JAKMIP2: variants seen among roughly 807,000 people sequenced by gnomAD.
JAKMIP2 encodes janus kinase and microtubule interacting protein 2, also known as janus kinase and microtubule-interacting protein 2.
JAKMIP2 carries 25 observed loss-of-function variants against 115.0 expected under a neutral mutation model. That is an observed-to-expected ratio of 0.22 (90% CI 0.16 to 0.30). The LOEUF (loss-of-function observed/expected upper bound fraction) is 0.30. JAKMIP2 is among the 10% of genes least tolerant of loss of function. JAKMIP2 has a pLI of 1.00. For missense variants in JAKMIP2, 642 were observed against 957.6 expected (o/e 0.67, Z 4.35); for synonymous variants, 334 against 343.6 (o/e 0.97, Z 0.31).
chr5:147,591,669 T>G lies in JAKMIP2; in HGVS notation c.*38A>C. On this transcript the variant is annotated 3_prime_UTR_variant, in exon 22 of 22. Transcript: ENST00000616793. ...AAGCACTTGTCTTCCTGGGATCTTATCCATGTTTTCGGTTACTCTGCAAAA... is the reference window on the plus strand; with the variant it reads ...AAGCACTTGTCTTCCTGGGATCTTAGCCATGTTTTCGGTTACTCTGCAAAA... 6.3e-7 allele frequency: 1 copy of G among 1,596,444 alleles called. No homozygotes were observed.
rs1754911229 is a variant in JAKMIP2, at chr5:147,587,281, T to A, written c.*4426A>T. 1 of 152,196 alleles carries A rather than the reference T, an allele frequency of 6.6e-6. No individual in the cohort carries two copies. The highest frequency in any genetic ancestry group is 2.4e-5 in the African/African-American group (1 of 41,452). The allele number at this position is 152,196 out of a possible 1,614,324, so 9.4% of individuals were successfully genotyped here. A position where few individuals can be genotyped will look rare whatever the true frequency, so the allele number is the denominator to read the frequency against. Reference sequence around the variant, plus strand: ...TATTGAATTTTTTCAATGTAATAGATAAATCTAAATTAGTAAAATGATAGA... The same window carrying A: ...TATTGAATTTTTTCAATGTAATAGAAAAATCTAAATTAGTAAAATGATAGA... On this transcript the variant is annotated 3_prime_UTR_variant, in exon 22 of 22. Coordinates refer to ENST00000616793, the MANE Select transcript of JAKMIP2 (RefSeq NM_001270941.2).
chr5:147,591,327 G>A lies in JAKMIP2; in HGVS notation c.*380C>T, dbSNP rs761848624. On this transcript the variant is annotated 3_prime_UTR_variant, in exon 22 of 22. Transcript: ENST00000616793. Reference sequence around the variant, plus strand: ...AAAATGACCCCCCTGCACAGCAGGGGTTGAATATTTCATTGTAACTTTGGT... The same window carrying A: ...AAAATGACCCCCCTGCACAGCAGGGATTGAATATTTCATTGTAACTTTGGT... 60 of 267,492 alleles carry A rather than the reference G, an allele frequency of 2.2e-4. No individual in the cohort carries two copies. The highest frequency in any genetic ancestry group is 5.8e-4 in the Admixed American group (10 of 17,320). 16.6% of individuals were successfully genotyped at this position (267,492 alleles called of 1,614,324 possible).
intron 1 of JAKMIP2, among the ~76,000 whole-genome samples, chr5:147,680,675 C>A (rs1399571482): frequency 6.6e-6 from 1 of 152,152 alleles, no homozygotes; most frequent in African/African-American, 2.4e-5. Flanking sequence ...ATACTTTATT[C>A]CTGGTCACCT....
intron 1 of JAKMIP2, among the ~76,000 whole-genome samples, chr5:147,689,975 G>A (rs1760752045): frequency 6.6e-6 from 1 of 152,148 alleles, no homozygotes; most frequent in African/African-American, 2.4e-5. Context: ...GTAATAATGA[G>A]AGACTTCATG....
At chr5:147,780,894 CT>C (rs1343199745) in intron 1 of JAKMIP2, among the ~76,000 whole-genome samples, 2 of 152,114 alleles carry the variant, frequency 1.3e-5, no homozygotes, top group African/African-American at 4.8e-5. Context: ...ATGGATAAAA[CT>C]ATAATAGCCC....
At chr5:147,719,912 GCT>G (rs950188513) in intron 1 of JAKMIP2, among the ~76,000 whole-genome samples, 1 of 152,078 alleles carries the variant, frequency 6.6e-6, no homozygotes, top group African/African-American at 2.4e-5. Flanking sequence ...TGGTGATTTT[GCT>G]CATTAGTTGA....
At chr5:147,764,889 GGAAAGAAAGAAA>G (rs758768756) in intron 1 of JAKMIP2, among the ~76,000 whole-genome samples, 6 of 60,516 alleles carry the variant, frequency 9.9e-5, no homozygotes, top group Non-Finnish European at 1.7e-4. Context: ...TGTCTAAAAG[GGAAAGAAAGAAA>G]GAAAGAAAGA....
chr5:147,684,359 G>A (rs1580777947), intron 1 of JAKMIP2, among the ~76,000 whole-genome samples: 1 of 151,696 alleles, frequency 6.6e-6, no homozygotes, highest in Non-Finnish European at 1.5e-5. Context: ...ATTGTATCAT[G>A]AGGCCAAGAC....
intron 1 of JAKMIP2, among the ~76,000 whole-genome samples, chr5:147,749,618 C>G (rs1234464415): frequency 6.6e-6 from 1 of 152,212 alleles, no homozygotes; most frequent in African/African-American, 2.4e-5. Flanking sequence ...GGACCCTGCC[C>G]TATACACCAT....
In JAKMIP2 at chr5:147,721,375, G is replaced by A. The variant is rs544810841; in HGVS notation, c.-148-49421C>T. 4.7e-3 allele frequency among the ~76,000 whole-genome samples: 713 copies of A among 152,320 alleles called. 5 individuals are homozygous for A. Among genetic ancestry groups the A allele is most frequent in the Admixed American group, 7.6e-3 (116 of 15,302 alleles). On this transcript the variant is annotated intron_variant, in intron 1 of 21. Coordinates refer to ENST00000616793, the MANE Select transcript of JAKMIP2 (RefSeq NM_001270941.2). ...GCCTCCTTGAGCTGTGGTGGGCTCC[G>A]CCCAGTTGGAGCTTCGAGGCTGCTT...
At chr5:147,723,467 A>G (rs1933924039) in intron 1 of JAKMIP2, among the ~76,000 whole-genome samples, 1 of 152,144 alleles carries the variant, frequency 6.6e-6, no homozygotes, top group Admixed American at 6.5e-5. Flanking sequence ...TTGGGCTATT[A>G]ACATGAATTT....
intron 1 of JAKMIP2, among the ~76,000 whole-genome samples, chr5:147,781,821 A>G (rs1755767578): frequency 6.6e-6 from 1 of 152,234 alleles, no homozygotes; most frequent in Non-Finnish European, 1.5e-5. Context: ...ATGCTTCATA[A>G]ATGCAATATA....
At position 147,720,475 on chromosome 5, in the gene JAKMIP2, T is replaced by C. The variant is rs1206873259; in HGVS notation, c.-148-48521A>G. 9.5e-3 allele frequency among the ~76,000 whole-genome samples: 1,410 copies of C among 147,688 alleles called. 41 individuals carry two copies. The highest frequency in any genetic ancestry group is 0.049 in the Admixed American group (722 of 14,644). On this transcript the variant is annotated intron_variant, in intron 1 of 21. Transcript: ENST00000616793. ...ACTTGGTTCCATTCTCCCCATCACT[T>C]TCAGGTACACCAATCAGACGTAGAT...
In JAKMIP2 at chr5:147,585,802, T is replaced by C. The variant is rs982151900; in HGVS notation, c.*5905A>G. 1 of 152,192 alleles carries C rather than the reference T, an allele frequency of 6.6e-6. No individual in the cohort carries two copies. Among genetic ancestry groups the C allele is most frequent in the African/African-American group, 2.4e-5 (1 of 41,448 alleles). 9.4% of individuals were successfully genotyped at this position (152,192 alleles called of 1,614,324 possible). On this transcript the variant is annotated 3_prime_UTR_variant, in exon 22 of 22. Transcript: ENST00000616793. ...AACACAGTAAACACCTGGGGAATTA[T>C]GTATTCAAACACATTAGCTCTATAC...
At chr5:147,666,995 C>A (rs1265434037) in intron 2 of JAKMIP2, among the ~76,000 whole-genome samples, 1 of 152,056 alleles carries the variant, frequency 6.6e-6, no homozygotes, top group Non-Finnish European at 1.5e-5. Context: ...CCCATATCAT[C>A]CTGATAAGAC....
chr5:147,695,937 A>G lies in JAKMIP2; in HGVS notation c.-148-23983T>C, dbSNP rs74360057. 6.6e-5 allele frequency among the ~76,000 whole-genome samples: 10 copies of G among 152,284 alleles called. No individual in the cohort carries two copies. In the East Asian group the frequency reaches 1.5e-3, roughly 24 times the overall value. ...AAGCCCACAAAGATGAAGTGTTTAA[A>G]GTCTGAACATAATATTCTAATATTT... On this transcript the variant is annotated intron_variant, in intron 1 of 21. Transcript: ENST00000616793.
In JAKMIP2 at chr5:147,601,820, G is replaced by C; in HGVS notation, c.2413-9C>G. 8.4e-7 allele frequency: 1 copy of C among 1,185,728 alleles called. No homozygotes were observed. The highest frequency in any genetic ancestry group is 1.4e-5 in the South Asian group (1 of 73,082). The allele number at this position is 1,185,728 out of a possible 1,614,324, so 73.5% of individuals were successfully genotyped here. A position where few individuals can be genotyped will look rare whatever the true frequency, so the allele number is the denominator to read the frequency against. ...AAGAATAGAAACAGAAACTGCAGAA[G>C]AAAAAGAAGAAGATTATGTAAATCT... On this transcript the variant is annotated splice_polypyrimidine_tract_variant and intron_variant, in intron 20 of 21. Transcript: ENST00000616793.
chr5:147,612,502 A>G (rs1756383592), intron 19 of JAKMIP2, 131 bp from the exon 20 acceptor site: 1 of 574,482 alleles, frequency 1.7e-6, no homozygotes, highest in Middle Eastern at 2.7e-4. Flanking sequence ...GAAACATCGC[A>G]TGTATGTTTT....
At chr5:147,752,792 G>A (rs999783324) in intron 1 of JAKMIP2, among the ~76,000 whole-genome samples, 1 of 152,166 alleles carries the variant, frequency 6.6e-6, no homozygotes, top group Non-Finnish European at 1.5e-5. Context: ...AAGGGAGATA[G>A]AGGAGAGGAT....
Sources: allele counts gnomAD v4.1 joint callset (sites outside exome capture counted in the v4.1 genomes callset), GRCh38; gene constraint gnomAD v4.1.1; transcripts MANE v1.5; gene names NCBI Gene and HGNC (gene_info 2026-07-23, HGNC 2026-07-21).